KDM2B: variants seen among roughly 807,000 people sequenced by gnomAD.
KDM2B encodes lysine demethylase 2B, also known as lysine-specific demethylase 2B.
A neutral mutation model predicts 150.0 loss-of-function variants in KDM2B; 26 were observed. The observed-to-expected ratio is 0.17, with a 90% CI of 0.13 to 0.24. KDM2B has a LOEUF of 0.24. Ranked by LOEUF, KDM2B falls within the 10% of genes least tolerant of loss-of-function variation. KDM2B has a pLI of 1.00. For synonymous variants in KDM2B, 734 were observed against 729.5 expected (o/e 1.01, Z -0.10); for missense variants, 1,265 against 1,816.9 (o/e 0.70, Z 5.52).
At chr12:121,508,861 T>C (rs1555303360) in intron 11 of KDM2B, among the ~76,000 whole-genome samples, 2 of 152,204 alleles carry the variant, frequency 1.3e-5, no homozygotes, top group African/African-American at 2.4e-5. Context: ...AACCTGCTCA[T>C]GTGAAACTGA....
At chr12:121,479,170 C>T (rs1356561465) in intron 12 of KDM2B, among the ~76,000 whole-genome samples, 8 of 151,864 alleles carry the variant, frequency 5.3e-5, no homozygotes, top group African/African-American at 1.9e-4. Flanking sequence ...TGGGGCTTGG[C>T]CGGGCGCGGT....
intron 9 of KDM2B, among the ~76,000 whole-genome samples, chr12:121,517,024 T>G (rs1555305136): frequency 3.3e-5 from 5 of 151,858 alleles, no homozygotes; most frequent in Admixed American, 3.3e-4. Flanking sequence ...CTGCTTTCAC[T>G]AGAGCCACTG....
At chr12:121,538,971 G>C (rs1174529616) in intron 6 of KDM2B, among the ~76,000 whole-genome samples, 1 of 151,766 alleles carries the variant, frequency 6.6e-6, no homozygotes, top group East Asian at 1.9e-4. Context: ...CAGAGTCCCC[G>C]CCCTCCTCCC....
chr12:121,460,717 C>G (rs1878993102), intron 12 of KDM2B, among the ~76,000 whole-genome samples: 1 of 152,068 alleles, frequency 6.6e-6, no homozygotes, highest in Non-Finnish European at 1.5e-5. Flanking sequence ...CAAAAGGTAA[C>G]ACTTACTTAA....
chr12:121,453,334 A>G lies in KDM2B; in HGVS notation c.1745T>C (p.Val582Ala), dbSNP rs371295074. 4.4e-6 allele frequency: 7 copies of G among 1,578,544 alleles called. No homozygotes were observed. The highest frequency in any genetic ancestry group is 1.4e-5 in the African/African-American group (1 of 73,942). Residue 582 changes from valine to alanine, a missense_variant, in exon 13 of 23, where the codon GTG (valine) becomes GCG (alanine). Val to Ala is a moderately conservative substitution (Grantham distance 64). Coordinates refer to ENST00000377071, the MANE Select transcript of KDM2B (RefSeq NM_032590.5). The surrounding 1 kb of genome is among the most constrained non-coding windows in gnomAD (Gnocchi z 6.4). The stretch of plus-strand genomic sequence containing the variant: ...GCCCAGCTTCCCCTTGGGCCGACCC[A>G]CAGCCCGGTTCTGCAGGGGAACAGA... Reference protein sequence around the residue: ...WPKKTPKNRAVGRPKGKLGPA... With the variant: ...WPKKTPKNRAAGRPKGKLGPA...
chr12:121,493,370 A>G (rs1243552273), intron 12 of KDM2B, among the ~76,000 whole-genome samples: 1 of 152,070 alleles, frequency 6.6e-6, no homozygotes, highest in African/African-American at 2.4e-5. Flanking sequence ...AGTTCTGACA[A>G]CCACTGAAGA....
rs1555308958 is a variant in KDM2B at position 121,537,617 on chromosome 12, G to A, written c.684-3027C>T. The A allele has an allele frequency of 6.6e-6, 1 of 151,954 alleles. No homozygotes were observed. The highest frequency in any genetic ancestry group is 2.0e-4 in the East Asian group (1 of 5,098). The allele number at this position is 151,954 out of a possible 1,614,324, so 9.4% of individuals were successfully genotyped here. On this transcript the variant is annotated intron_variant, in intron 6 of 22. Coordinates refer to ENST00000377071, the MANE Select transcript of KDM2B (RefSeq NM_032590.5). This position sits in a 1 kb window ranked among gnomAD's most constrained non-coding sequence, Gnocchi z 8.7. ...CACCAACTTTGGGGCGCTGCCTGGGGGCTGCGGAGGCGGGGCGGCCCCGCC... is the reference window on the plus strand; with the variant it reads ...CACCAACTTTGGGGCGCTGCCTGGGAGCTGCGGAGGCGGGGCGGCCCCGCC...
chr12:121,518,006 C>T lies in KDM2B; in HGVS notation c.1047+2979G>A, dbSNP rs1886374196. 6.6e-6 allele frequency among the ~76,000 whole-genome samples: 1 copy of T among 152,008 alleles called. No homozygotes were observed. The highest frequency in any genetic ancestry group is 1.5e-5 in the Non-Finnish European group (1 of 68,018). ...CTCCCGGGTTCAAGCAATTCTCCTGCCTCAGCCTCCTGAGTAGCTGGGATT... is the reference window on the plus strand; with the variant it reads ...CTCCCGGGTTCAAGCAATTCTCCTGTCTCAGCCTCCTGAGTAGCTGGGATT... On this transcript the variant is annotated intron_variant, in intron 9 of 22. Coordinates refer to ENST00000377071, the MANE Select transcript of KDM2B (RefSeq NM_032590.5). This position sits in a 1 kb window ranked among gnomAD's most constrained non-coding sequence, Gnocchi z 4.4.
At chr12:121,525,169 T>C (rs1887022605) in intron 8 of KDM2B, among the ~76,000 whole-genome samples, 1 of 152,186 alleles carries the variant, frequency 6.6e-6, no homozygotes, top group African/African-American at 2.4e-5. Context: ...GAAGTAAGGA[T>C]ACTCTCCCTT....
chr12:121,431,778 A>C (rs782563323), intron 22 of KDM2B, among the ~76,000 whole-genome samples: 1 of 152,092 alleles, frequency 6.6e-6, no homozygotes, highest in Non-Finnish European at 1.5e-5. Flanking sequence ...CTACATACAC[A>C]TAGGCATTCA....
intron 6 of KDM2B, among the ~76,000 whole-genome samples, chr12:121,545,701 T>A (rs1297699508): frequency 6.6e-6 from 1 of 151,954 alleles, no homozygotes; most frequent in Non-Finnish European, 1.5e-5. Flanking sequence ...CGCCATCCAA[T>A]CCCCATAGCA....
chr12:121,572,368 C>T (rs1474838304), intron 4 of KDM2B, among the ~76,000 whole-genome samples: 1 of 152,230 alleles, frequency 6.6e-6, no homozygotes, highest in South Asian at 2.1e-4. Context: ...CACATCCCAG[C>T]TCCGTGGCCT....
chr12:121,506,866 G>A (rs982304241), intron 11 of KDM2B, among the ~76,000 whole-genome samples: 1 of 152,042 alleles, frequency 6.6e-6, no homozygotes, highest in Non-Finnish European at 1.5e-5. Context: ...AACCCCAGAG[G>A]TGGAGGTTGT....
chr12:121,517,920 T>TTC lies in KDM2B; in HGVS notation c.1047+3063_1047+3064dup, dbSNP rs200380987. Reference sequence around the variant, plus strand: ...CTTTTTTTGAGGGGGGGGATGGAGTTTCGCTCTTGTTGCCCAGGCTGGAGT... The same window carrying TTC: ...CTTTTTTTGAGGGGGGGGATGGAGTTTCTCGCTCTTGTTGCCCAGGCTGGAGT... On this transcript the variant is annotated intron_variant, in intron 9 of 22. Coordinates refer to ENST00000377071, the MANE Select transcript of KDM2B (RefSeq NM_032590.5). Among the ~76,000 whole-genome samples the TTC allele has an allele frequency of 7.8e-3, 1,182 of 151,400 alleles. 9 individuals are homozygous for TTC. The highest frequency in any genetic ancestry group is 0.027 in the African/African-American group (1,135 of 41,294).
At chr12:121,457,034 G>C (rs1477347914) in intron 12 of KDM2B, among the ~76,000 whole-genome samples, 4 of 152,118 alleles carry the variant, frequency 2.6e-5, no homozygotes, top group Admixed American at 2.0e-4. Context: ...AAAACCCACA[G>C]GTAAGACAGA....
intron 9 of KDM2B, among the ~76,000 whole-genome samples, chr12:121,517,799 C>T (rs1555305294): frequency 1.3e-5 from 2 of 151,464 alleles, no homozygotes; most frequent in African/African-American, 4.9e-5. Flanking sequence ...AAGACAAAGC[C>T]ACACCATGGA....
At chr12:121,514,586 C>CT (rs1173492890) in intron 9 of KDM2B, among the ~76,000 whole-genome samples, 1 of 151,746 alleles carries the variant, frequency 6.6e-6, no homozygotes, top group Non-Finnish European at 1.5e-5. Flanking sequence ...CACCTTGCTC[C>CT]CTGGCTCTCT....
intron 9 of KDM2B, among the ~76,000 whole-genome samples, chr12:121,516,086 C>A (rs186744865): frequency 6.6e-6 from 1 of 152,100 alleles, no homozygotes; most frequent in Non-Finnish European, 1.5e-5. Context: ...TCAAGAGAAA[C>A]GGACAAAAGA....
chr12:121,530,025 A>G (rs1430611048), intron 8 of KDM2B, among the ~76,000 whole-genome samples: 14 of 151,530 alleles, frequency 9.2e-5, no homozygotes, highest in South Asian at 2.1e-4. Flanking sequence ...TCAGGAGATC[A>G]AGACCATCCT....
Sources: gnomAD v4.1 joint callset for allele counts (sites outside exome capture counted in the v4.1 genomes callset) on GRCh38, gnomAD v4.1.1 for gene constraint, Gnocchi (gnomAD v3.1) non-coding constraint, MANE v1.5 for transcripts, NCBI Gene and HGNC (gene_info 2026-07-23, HGNC 2026-07-21) for gene names.